Variants in POLR2F observed in about 807,000 individuals in gnomAD.
The protein encoded by POLR2F is DNA-directed RNA polymerases I, II, and III subunit RPABC2.
In POLR2F, 12 loss-of-function variants were observed where a neutral mutation model predicts 22.7. The observed-to-expected ratio is 0.53, with a 90% CI of 0.34 to 0.86. The LOEUF is 0.86. Among genes scored for constraint, POLR2F ranks in the 40% least tolerant of loss-of-function variants. The probability of loss-of-function intolerance (pLI) is 0.02; values close to 1 mark genes in which losing one functional copy is unlikely to be tolerated. For missense variants in POLR2F, 126 were observed against 171.5 expected, an observed-to-expected ratio of 0.73 and a Z score of 1.48; for synonymous variants, 57 against 66.0, an observed-to-expected ratio of 0.86 and a Z score of 0.66.
chr22:37,961,816 G>GGGGAAGCCTGA (rs111389377), intron 3 of POLR2F, among the ~76,000 whole-genome samples: 5,304 of 151,410 alleles, frequency 0.035, 307 homozygotes, highest in African/African-American at 0.12. Context: ...ATGGTACTGT[G>GGGGAAGCCTGA]GGGAAGCATG....
chr22:37,972,988 C>G (rs1433289111), downstream of POLR2F: 1 of 156,768 alleles, frequency 6.4e-6, no homozygotes, highest in Non-Finnish European at 1.4e-5. Flanking sequence ...CAAAGCTACT[C>G]TCAGCCCCTG....
intron 1 of POLR2F, chr22:38,025,566 C>T (rs2085000772): frequency 1.3e-6 from 2 of 1,492,164 alleles, no homozygotes; most frequent in South Asian, 1.4e-5. Context: ...TCTCCCATCT[C>T]TCTCATTTCC....
chr22:38,024,444 A>T (rs2084988831), intron 1 of POLR2F, among the ~76,000 whole-genome samples: 1 of 152,208 alleles, frequency 6.6e-6, no homozygotes, highest in East Asian at 1.9e-4. Context: ...ATTCTTGGTG[A>T]CTTTTATAGC....
At chr22:37,953,675 T>A (rs1249043136), upstream of POLR2F, 22 of 1,327,582 alleles carry the variant, frequency 1.7e-5, no homozygotes, top group Non-Finnish European at 1.8e-5. Flanking sequence ...TGATTTCCTC[T>A]GGGTTACGGC....
At chr22:38,037,458 A>G (rs1202888712) in intron 5 of POLR2F, among the ~76,000 whole-genome samples, 2 of 68,106 alleles carry the variant, frequency 2.9e-5, no homozygotes, top group African/African-American at 8.1e-5. Context: ...TTTTTTTTGT[A>G]GAGATGGGGA....
chr22:37,986,178 C>G (rs554760896), upstream of POLR2F: 3 of 1,542,544 alleles, frequency 1.9e-6, no homozygotes, highest in Non-Finnish European at 2.6e-6. The surrounding 1 kb of genome is among the most constrained non-coding windows in gnomAD (Gnocchi z 4.7). Context: ...CAGAACCGCC[C>G]GGAGAGGAGC....
chr22:38,033,000 G>A (rs1159122149), intron 5 of POLR2F: 1 of 167,052 alleles, frequency 6.0e-6, no homozygotes, highest in African/African-American at 2.4e-5. Flanking sequence ...CATGGAGCAT[G>A]ACATAATTCA....
intron 1 of POLR2F, among the ~76,000 whole-genome samples, chr22:37,989,421 C>T (rs776550381): frequency 6.6e-6 from 1 of 152,206 alleles, no homozygotes; most frequent in Non-Finnish European, 1.5e-5. Context: ...GCAGCCACCA[C>T]GGCCTCACAG....
chr22:37,986,080 CT>C, upstream of POLR2F: 1 of 1,443,192 alleles, frequency 6.9e-7, no homozygotes, highest in Non-Finnish European at 9.1e-7. The surrounding 1 kb of genome is among the most constrained non-coding windows in gnomAD (Gnocchi z 4.7). Flanking sequence ...AAACAGTGAG[CT>C]GTCTTTGTTC....
chr22:38,036,724 C>T (rs1404860532), intron 5 of POLR2F, among the ~76,000 whole-genome samples: 1 of 151,828 alleles, frequency 6.6e-6, no homozygotes, highest in Non-Finnish European at 1.5e-5. Flanking sequence ...CACACCATCC[C>T]CTGCTTAAAG....
intron 3 of POLR2F, among the ~76,000 whole-genome samples, chr22:37,966,531 G>A (rs1259728864): frequency 2.0e-5 from 3 of 152,152 alleles, no homozygotes; most frequent in Non-Finnish European, 4.4e-5. Flanking sequence ...CCAGCAATCT[G>A]GAAGGCTGAG....
chr22:37,995,161 C>G (rs896435841), intron 1 of POLR2F, among the ~76,000 whole-genome samples: 5 of 152,348 alleles, frequency 3.3e-5, no homozygotes, highest in Non-Finnish European at 7.3e-5. Context: ...AGGGAGCTGG[C>G]CTCTGACGTC....
chr22:38,001,276 C>T (rs1050803563), intron 1 of POLR2F, among the ~76,000 whole-genome samples: 13 of 152,170 alleles, frequency 8.5e-5, no homozygotes, highest in Non-Finnish European at 1.8e-4. Context: ...GGCAGGCTCT[C>T]GACCGTGCCT....
intron 1 of POLR2F, among the ~76,000 whole-genome samples, chr22:37,990,769 C>T (rs1027802825): frequency 1.3e-5 from 2 of 152,236 alleles, no homozygotes; most frequent in African/African-American, 2.4e-5. Flanking sequence ...GCCTCAGTTT[C>T]CCCATCTGTA....
At chr22:38,025,572 T>G (rs1569183547) in intron 1 of POLR2F, 8 of 1,498,372 alleles carry the variant, frequency 5.3e-6, no homozygotes, top group Non-Finnish European at 7.1e-6. Flanking sequence ...ATCTCTCTCA[T>G]TTCCAGACTT....
chr22:37,987,557 G>A (rs1932620083), intron 1 of POLR2F: 1 of 345,174 alleles, frequency 2.9e-6, no homozygotes, highest in Non-Finnish European at 5.7e-6. Flanking sequence ...TGCCCTGAAG[G>A]ATACACTGAG....
chr22:37,984,890 C>T (rs1932526491), upstream of POLR2F, among the ~76,000 whole-genome samples: 1 of 152,128 alleles, frequency 6.6e-6, no homozygotes, highest in South Asian at 2.1e-4. This position sits in a 1 kb window ranked among gnomAD's most constrained non-coding sequence, Gnocchi z 4.4. Flanking sequence ...GCAGGATGGG[C>T]ACTTGGCAGG....
At chr22:37,993,258 T>C (rs573417825) in intron 1 of POLR2F, among the ~76,000 whole-genome samples, 167 of 152,290 alleles carry the variant, frequency 1.1e-3, no homozygotes, top group African/African-American at 3.8e-3. Flanking sequence ...TTGTCAAGGT[T>C]GCCCAGCTTA....
intron 1 of POLR2F, among the ~76,000 whole-genome samples, chr22:38,008,275 C>T (rs1017570223): frequency 2.0e-5 from 3 of 151,738 alleles, no homozygotes; most frequent in Non-Finnish European, 4.4e-5. Context: ...AAAAGGCAGG[C>T]GCTGTGGCTC....
Sources: allele counts gnomAD v4.1 joint callset (sites outside exome capture counted in the v4.1 genomes callset), GRCh38; gene constraint gnomAD v4.1.1; non-coding constraint Gnocchi (gnomAD v3.1); transcripts MANE v1.5; gene names NCBI Gene and HGNC (gene_info 2026-07-23, HGNC 2026-07-21).